ATRNL1: variants seen among roughly 807,000 people sequenced by gnomAD.
ATRNL1 encodes the protein attractin like 1.
In ATRNL1, 95 loss-of-function variants were observed where a neutral mutation model predicts 182.7. The observed-to-expected ratio is 0.52, with a 90% CI of 0.44 to 0.62. The LOEUF (loss-of-function observed/expected upper bound fraction) is 0.62, where lower values mean the gene tolerates loss of function less well. ATRNL1 is among the 20% of genes least tolerant of loss of function. ATRNL1 has a pLI of 0.00. For synonymous variants in ATRNL1, 576 were observed against 568.3 expected (o/e 1.01, Z -0.19); for missense variants, 1,471 against 1,679.5 (o/e 0.88, Z 2.17).
intron 24 of ATRNL1, among the ~76,000 whole-genome samples, chr10:115,485,631 A>C (rs1389886684): frequency 6.7e-6 from 1 of 150,162 alleles, no homozygotes; most frequent in Non-Finnish European, 1.5e-5. Context: ...GTCCCTCCAA[A>C]CCCCCTCCTC....
chr10:115,797,241 A>G (rs1949675168), intron 27 of ATRNL1, among the ~76,000 whole-genome samples: 1 of 152,220 alleles, frequency 6.6e-6, no homozygotes, highest in African/African-American at 2.4e-5. Flanking sequence ...CCAGTACAAA[A>G]TGAAAATGCA....
chr10:115,901,743 GAAAAAAAAAAAAA>G (rs562327427), intron 28 of ATRNL1, among the ~76,000 whole-genome samples: 1 of 58,050 alleles, frequency 1.7e-5, no homozygotes, highest in Non-Finnish European at 4.8e-5. Flanking sequence ...GAACTGAGAA[GAAAAAAAAAAAAA>G]AAAAAAAAGC....
intron 11 of ATRNL1, among the ~76,000 whole-genome samples, chr10:115,266,166 GA>G (rs1851599310): frequency 6.6e-6 from 1 of 151,658 alleles, no homozygotes; most frequent in Non-Finnish European, 1.5e-5. Context: ...TTTTTGACAT[GA>G]AAAATATGCT....
At chr10:115,191,167 T>A (rs1848155219) in intron 8 of ATRNL1, among the ~76,000 whole-genome samples, 1 of 152,190 alleles carries the variant, frequency 6.6e-6, no homozygotes, top group African/African-American at 2.4e-5. Flanking sequence ...TGAATAGTGC[T>A]GCAATAAACA....
intron 25 of ATRNL1, among the ~76,000 whole-genome samples, chr10:115,534,280 G>A (rs374396374): frequency 9.2e-5 from 14 of 151,378 alleles, no homozygotes; most frequent in East Asian, 5.8e-4. Flanking sequence ...TTATGAATCT[G>A]GGTGCTCCTG....
chr10:115,399,647 G>T (rs61882297), intron 20 of ATRNL1, among the ~76,000 whole-genome samples: 1,757 of 151,766 alleles, frequency 0.012, 10 homozygotes, highest in Non-Finnish European at 0.014. Context: ...TATCTTTTGT[G>T]TGTGTGTGTG....
intron 24 of ATRNL1, 58 bp from the exon 25 acceptor site, chr10:115,519,205 A>T: frequency 7.3e-7 from 1 of 1,377,918 alleles, no homozygotes; most frequent in South Asian, 1.2e-5. Context: ...GTCATGAAAT[A>T]TCACCACAGG....
In ATRNL1 at chr10:115,917,486, G is replaced by A. The variant is rs28507133; in HGVS notation, c.4019-27172G>A. Among the ~76,000 whole-genome samples, 515 of 131,074 alleles carry A rather than the reference G, an allele frequency of 3.9e-3. 2 individuals carry two copies. The highest frequency in any genetic ancestry group is 0.021 in the Middle Eastern group (5 of 234). The allele number at this position is 131,074 out of a possible 152,430, so 86.0% of individuals were successfully genotyped here. ...CTCTGTCTCAAAAAAAAAAAAAAAA[G>A]AAAAAAAAAACGGGGCCATGATATT... On this transcript the variant is annotated intron_variant, in intron 28 of 28. Coordinates refer to ENST00000355044, the MANE Select transcript of ATRNL1 (RefSeq NM_207303.4).
chr10:115,739,290 A>G (rs1057116530), intron 27 of ATRNL1, among the ~76,000 whole-genome samples: 3 of 152,166 alleles, frequency 2.0e-5, no homozygotes, highest in Admixed American at 6.5e-5. Flanking sequence ...AGCATAAACT[A>G]TTTTTATACA....
chr10:115,325,863 T>G (rs1854846779), intron 18 of ATRNL1, among the ~76,000 whole-genome samples: 1 of 152,176 alleles, frequency 6.6e-6, no homozygotes, highest in African/African-American at 2.4e-5. Context: ...ATATGAGTGC[T>G]AAATTTAGCT....
At chr10:115,916,771 C>T (rs1237428058) in intron 28 of ATRNL1, among the ~76,000 whole-genome samples, 1 of 152,170 alleles carries the variant, frequency 6.6e-6, no homozygotes, top group Non-Finnish European at 1.5e-5. Context: ...CAAGCTGCAG[C>T]CTTGGGAGCT....
intron 26 of ATRNL1, among the ~76,000 whole-genome samples, chr10:115,618,730 T>C (rs1400729380): frequency 6.6e-6 from 1 of 152,196 alleles, no homozygotes; most frequent in African/African-American, 2.4e-5. Flanking sequence ...CACCAGTTTT[T>C]CCCTGATTTC....
chr10:115,861,174 G>T (rs1172900534), intron 28 of ATRNL1, among the ~76,000 whole-genome samples: 1 of 151,930 alleles, frequency 6.6e-6, no homozygotes, highest in Non-Finnish European at 1.5e-5. Context: ...AGAGAATTTC[G>T]AATTCAAAGG....
chr10:115,557,897 T>C (rs1415249458), intron 26 of ATRNL1, among the ~76,000 whole-genome samples: 2 of 151,684 alleles, frequency 1.3e-5, no homozygotes, highest in East Asian at 3.9e-4. Context: ...ATACAAGAAT[T>C]AGCCGGGTGT....
rs1555014468 is a variant in ATRNL1, at chr10:115,597,624, G to A, written c.3795+48088G>A. 1.2e-5 allele frequency: 5 copies of A among 419,324 alleles called. 1 individual carries two copies. The highest frequency in any genetic ancestry group is 4.8e-5 in the South Asian group (3 of 61,910). 26.0% of individuals were successfully genotyped at this position (419,324 alleles called of 1,614,324 possible). The stretch of plus-strand genomic sequence containing the variant: ...TCACACTCTTGTCACCCAGGCTGGC[G>A]TGCAGTGTGGGGATCTCAGCTCACT... On this transcript the variant is annotated intron_variant, in intron 26 of 28. Transcript: ENST00000355044.
chr10:115,326,733 G>C (rs1318547320), intron 18 of ATRNL1, among the ~76,000 whole-genome samples: 1 of 151,820 alleles, frequency 6.6e-6, no homozygotes, highest in East Asian at 1.9e-4. Context: ...TACCAAAACA[G>C]AGATATAGAT....
intron 25 of ATRNL1, among the ~76,000 whole-genome samples, chr10:115,540,789 G>C (rs1415593553): frequency 6.6e-6 from 1 of 150,952 alleles, no homozygotes; most frequent in African/African-American, 2.4e-5. Context: ...AGGGAACAGG[G>C]CTCTAATGGA....
At chr10:115,182,637 C>T (rs542830005) in intron 8 of ATRNL1, among the ~76,000 whole-genome samples, 5 of 151,074 alleles carry the variant, frequency 3.3e-5, no homozygotes, top group East Asian at 1.9e-4. Flanking sequence ...GATGCAGAAA[C>T]GATGAAAATA....
At chr10:115,569,302 C>A (rs1206459789) in intron 26 of ATRNL1, among the ~76,000 whole-genome samples, 3 of 152,008 alleles carry the variant, frequency 2.0e-5, no homozygotes, top group African/African-American at 4.8e-5. Flanking sequence ...TGATGTTTTT[C>A]TTTTTCATTG....
Sources: allele counts gnomAD v4.1 joint callset (sites outside exome capture counted in the v4.1 genomes callset), GRCh38; gene constraint gnomAD v4.1.1; transcripts MANE v1.5; gene names NCBI Gene and HGNC (gene_info 2026-07-23, HGNC 2026-07-21).